The following YBX3 variants were observed in gnomAD, a reference collection of about 807,000 sequenced individuals.
The protein encoded by YBX3 is Y-box binding protein 3, also known as Y-box-binding protein 3.
YBX3 carries 29 observed loss-of-function variants against 42.4 expected under a neutral mutation model. The observed-to-expected ratio is 0.68, with a 90% CI of 0.51 to 0.93. The LOEUF is 0.93. Among genes scored for constraint, YBX3 ranks in the 40% least tolerant of loss-of-function variants. The probability of loss-of-function intolerance (pLI) is 0.00; values close to 1 mark genes in which losing one functional copy is unlikely to be tolerated. For missense variants in YBX3, 517 were observed against 527.5 expected (o/e 0.98, Z 0.19); for synonymous variants, 195 against 189.8 (o/e 1.03, Z -0.22).
chr12:10,722,154 A>G (rs1180286241), intron 1 of YBX3: 4 of 152,206 alleles, frequency 2.6e-5, no homozygotes, highest in South Asian at 2.1e-4. Flanking sequence ...ATTGGTGGAC[A>G]CTGAATGGCT....
rs759294495 is a variant in YBX3 at position 10,722,843 on chromosome 12, G to A, written c.262+7C>T. 1.4e-6 allele frequency: 2 copies of A among 1,481,322 alleles called. No homozygotes were observed. Among genetic ancestry groups the A allele is most frequent in the African/African-American group, 1.5e-5 (1 of 68,614 alleles). The allele number at this position is 1,481,322 out of a possible 1,614,324, so 91.8% of individuals were successfully genotyped here. A position where few individuals can be genotyped will look rare whatever the true frequency, so the allele number is the denominator to read the frequency against. On this transcript the variant is annotated splice_region_variant and intron_variant, in intron 1 of 9. Transcript: ENST00000228251. Reference sequence around the variant, plus strand: ...CGGCAGCCCCTGCCCTCCCTGGCCTGACTCACCGAGAACTTTTTTCTCCGC... The same window carrying A: ...CGGCAGCCCCTGCCCTCCCTGGCCTAACTCACCGAGAACTTTTTTCTCCGC...
chr12:10,703,888 A>C (rs1390977306), intron 7 of YBX3, 163 bp downstream of exon 7: 1 of 591,246 alleles, frequency 1.7e-6, no homozygotes, highest in African/African-American at 1.9e-5. Flanking sequence ...AGTATTAAGT[A>C]GGTGGGAAAT....
In YBX3 at chr12:10,705,077, T is replaced by C. The variant is rs149355597; in HGVS notation, c.781-929A>G. Among the ~76,000 whole-genome samples, 718 of 152,258 alleles carry C rather than the reference T, an allele frequency of 4.7e-3. 23 individuals are homozygous for C. The highest frequency in any genetic ancestry group is 0.043 in the Admixed American group (658 of 15,294). On this transcript the variant is annotated intron_variant, in intron 6 of 9. Coordinates refer to ENST00000228251, the MANE Select transcript of YBX3 (RefSeq NM_003651.5). ...TTATGCACTAAAGTAAGTTATATCT[T>C]TTTGTTTGGAGCAGTTTTTTTTAAT... is the stretch of plus-strand genomic sequence containing the variant.
chr12:10,714,391 T>A (rs1248046160), intron 4 of YBX3, among the ~76,000 whole-genome samples: 1 of 152,186 alleles, frequency 6.6e-6, no homozygotes, highest in Non-Finnish European at 1.5e-5. Flanking sequence ...AGCGTGTTTT[T>A]AATCTTACTC....
chr12:10,713,094 C>A, intron 5 of YBX3, 117 bp downstream of exon 5: 4 of 1,237,864 alleles, frequency 3.2e-6, no homozygotes, highest in East Asian at 2.7e-5. Context: ...AAATAAAAAT[C>A]ACTTAAATCA....
chr12:10,716,572 G>C (rs1462923419), intron 3 of YBX3, among the ~76,000 whole-genome samples: 1 of 152,256 alleles, frequency 6.6e-6, no homozygotes, highest in Non-Finnish European at 1.5e-5. Flanking sequence ...AATGAAGGCA[G>C]AAAATAATTC....
Position 10,704,094 on chromosome 12 carries a change from C to T in YBX3, c.835G>A (p.Gly279Arg). 1 of 1,614,134 alleles carries T rather than the reference C, an allele frequency of 6.2e-7. No homozygotes were observed. The highest frequency in any genetic ancestry group is 8.5e-7 in the Non-Finnish European group (1 of 1,180,046). ...TAAGTTGGATTTCGATGAACCGGTC[C>T]CTGAAGTTGTGCTCCCTCTGGGACT... Reference protein sequence around the residue: ...DGVPEGAQLQGPVHRNPTYRP... With the variant: ...DGVPEGAQLQRPVHRNPTYRP... The change falls in exon 7 of 10, where the codon GGA (glycine) becomes AGA (arginine). Residue 279 changes from glycine (G) to arginine (R), a missense_variant. Physicochemically the swap from Gly to Arg is moderately radical, Grantham distance 125 (BLOSUM62 -2). Transcript: ENST00000228251.
At chr12:10,712,499 A>C (rs1055484279) in intron 5 of YBX3, 1 of 152,214 alleles carries the variant, frequency 6.6e-6, no homozygotes, top group Non-Finnish European at 1.5e-5. Context: ...TAATGGAAAA[A>C]TGCTATGCTA....
chr12:10,711,879 G>A lies in YBX3; in HGVS notation c.573+1332C>T, dbSNP rs555735121. On this transcript the variant is annotated intron_variant, in intron 5 of 9. Transcript: ENST00000228251. ...ATGTTTTTCTACCACTTTTGCTTTT[G>A]AATTAACCTGGGAGTCAAAATAATC... is the stretch of plus-strand genomic sequence containing the variant. 99 of 152,262 alleles carry A rather than the reference G, an allele frequency of 6.5e-4. 1 individual carries two copies. The highest frequency in any genetic ancestry group is 2.3e-3 in the African/African-American group (94 of 41,558). 9.4% of individuals were successfully genotyped at this position (152,262 alleles called of 1,614,324 possible).
rs370585235 is a variant in YBX3, at chr12:10,715,042, G to A, written c.450+652C>T. Among the ~76,000 whole-genome samples, 25 of 151,908 alleles carry A rather than the reference G, an allele frequency of 1.6e-4. No individual in the cohort carries two copies. The South Asian group carries it at 3.7e-3, about 23-fold the overall frequency. On this transcript the variant is annotated intron_variant, in intron 4 of 9. Transcript: ENST00000228251. ...TGGGATTACAGGTGTGGGCCACCAC[G>A]CCCAGCTGCAAAGCACTTTTAATAT...
chr12:10,709,710 C>T (rs1425978050), intron 6 of YBX3, among the ~76,000 whole-genome samples, 198 bp downstream of exon 6: 5 of 152,198 alleles, frequency 3.3e-5, no homozygotes, highest in East Asian at 1.9e-4. Flanking sequence ...GCATGGATCA[C>T]GTGGTTTTGC....
chr12:10,716,857 G>A (rs1216372330), intron 3 of YBX3, among the ~76,000 whole-genome samples: 9 of 152,038 alleles, frequency 5.9e-5, no homozygotes, highest in African/African-American at 2.2e-4. Flanking sequence ...CCTTTTTCCT[G>A]TTAAACTGGG....
chr12:10,716,068 C>G (rs897991487), intron 3 of YBX3: 8 of 376,786 alleles, frequency 2.1e-5, no homozygotes, highest in African/African-American at 1.7e-4. Flanking sequence ...ACTACTGTTA[C>G]AGGCTGATCA....
At chr12:10,715,455 G>A (rs543454445) in intron 4 of YBX3, among the ~76,000 whole-genome samples, 1 of 151,914 alleles carries the variant, frequency 6.6e-6, no homozygotes, top group Non-Finnish European at 1.5e-5. Context: ...CTGAGGCAGA[G>A]GAATCACTTG....
intron 6 of YBX3, among the ~76,000 whole-genome samples, chr12:10,706,542 T>G (rs1948138846): frequency 6.6e-6 from 1 of 152,228 alleles, no homozygotes; most frequent in Admixed American, 6.5e-5. Context: ...TTAACACATT[T>G]CTTTCTTGAA....
chr12:10,702,521 T>TA (rs879400914), intron 7 of YBX3: 1,789 of 135,636 alleles, frequency 0.013, 22 homozygotes, highest in African/African-American at 0.04. Context: ...ATCTCAAAAT[T>TA]AAAAAAAAAA....
At position 10,722,875 on chromosome 12, in the gene YBX3, G is replaced by T. The variant is rs1948346537; in HGVS notation, c.237C>A (p.Ser79Arg). The T allele has an allele frequency of 1.3e-6, 2 of 1,486,648 alleles. No homozygotes were observed. Among genetic ancestry groups the T allele is most frequent in the Non-Finnish European group, 1.8e-6 (2 of 1,118,392 alleles). The allele number at this position is 1,486,648 out of a possible 1,614,324, so 92.1% of individuals were successfully genotyped here. A position where few individuals can be genotyped will look rare whatever the true frequency, so the allele number is the denominator to read the frequency against. The part of the protein sequence containing the change: ...AAASLATAAG[S>R]EDAEKKVLAT... ...CGAGAACTTTTTTCTCCGCGTCTTC[G>T]CTGCCGGCGGCGGTGGCTAAAGAGG... The change falls in exon 1 of 10, where the codon AGC (serine) becomes AGA (arginine). Residue 79 changes from serine to arginine, a missense_variant. Around this residue, in one of 3 missense-constraint regions of YBX3, gnomAD observed 420 missense variants for 408.5 expected, o/e 1.03. Coordinates refer to ENST00000228251, the MANE Select transcript of YBX3 (RefSeq NM_003651.5).
rs560402156 is a variant in YBX3, at chr12:10,715,952, T to C, written c.361-169A>G. The stretch of plus-strand genomic sequence containing the variant: ...CCAACACAACAACAAGAAAGCACTA[T>C]AAAACTATATTCCACATTACTTCCT... On this transcript the variant is annotated intron_variant, in intron 3 of 9. Coordinates refer to ENST00000228251, the MANE Select transcript of YBX3 (RefSeq NM_003651.5). 1.5e-4 allele frequency: 87 copies of C among 598,814 alleles called. No individual in the cohort carries two copies. The Middle Eastern group carries it at 2.5e-3, about 17-fold the overall frequency. The allele number at this position is 598,814 out of a possible 1,614,324, so 37.1% of individuals were successfully genotyped here.
intron 2 of YBX3, among the ~76,000 whole-genome samples, chr12:10,718,623 C>G (rs1948290462): frequency 6.6e-6 from 1 of 152,144 alleles, no homozygotes; most frequent in African/African-American, 2.4e-5. Flanking sequence ...CTCCCAGCAT[C>G]TTGTAGTTAT....
Sources: allele counts gnomAD v4.1 joint callset (sites outside exome capture counted in the v4.1 genomes callset), GRCh38; gene constraint gnomAD v4.1.1; regional missense constraint gnomAD v4.1.1; transcripts MANE v1.5; gene names NCBI Gene and HGNC (gene_info 2026-07-23, HGNC 2026-07-21).